Variants in ELF1 observed in about 807,000 individuals in gnomAD.
ELF1 encodes E74 like ETS transcription factor 1.
Under a neutral mutation model 59.9 loss-of-function variants are expected in ELF1, and 24 were observed. That is an observed-to-expected ratio of 0.40 (90% CI 0.29 to 0.56). The LOEUF (loss-of-function observed/expected upper bound fraction) is 0.56. ELF1 is among the 20% of genes least tolerant of loss of function. The probability of loss-of-function intolerance (pLI) is 0.44; values close to 1 mark genes in which losing one functional copy is unlikely to be tolerated. For synonymous variants in ELF1, 248 were observed against 266.2 expected (o/e 0.93, Z 0.67); for missense variants, 627 against 742.2 (o/e 0.84, Z 1.80).
chr13:40,952,842 AGTCCTTACCCTCT>A (rs748804113), intron 3 of ELF1, among the ~76,000 whole-genome samples: 30 of 145,134 alleles, frequency 2.1e-4, no homozygotes, highest in South Asian at 4.2e-4. Flanking sequence ...ACTGCCCTCA[AGTCCTTACCCTCT>A]GTACAGGATT....
intron 1 of ELF1, among the ~76,000 whole-genome samples, chr13:41,058,794 GAA>G (rs1460736195): frequency 2.6e-5 from 4 of 152,188 alleles, no homozygotes; most frequent in African/African-American, 9.7e-5. Flanking sequence ...CCAACATGGT[GAA>G]ACATTGTCTT....
intron 8 of ELF1, among the ~76,000 whole-genome samples, chr13:40,936,309 T>C (rs553427073): frequency 7.9e-5 from 12 of 152,260 alleles, no homozygotes; most frequent in African/African-American, 2.2e-4. Context: ...CCTTAAACAA[T>C]AGGCAGTTAC....
chr13:40,975,333 T>C lies in ELF1; in HGVS notation c.72+6650A>G, dbSNP rs556806341. 3.9e-5 allele frequency among the ~76,000 whole-genome samples: 6 copies of C among 152,256 alleles called. No individual in the cohort carries two copies. In the South Asian group the frequency reaches 8.3e-4, roughly 21 times the overall value. Reference sequence around the variant, plus strand: ...GACTTATCCTCTTACATACAGGAAATAGCATATAAGGAAAAAGGAAAGTTC... The same window carrying C: ...GACTTATCCTCTTACATACAGGAAACAGCATATAAGGAAAAAGGAAAGTTC... On this transcript the variant is annotated intron_variant, in intron 2 of 8. Transcript: ENST00000239882.
At chr13:40,959,248 GC>G (rs1871657743) in intron 2 of ELF1, among the ~76,000 whole-genome samples, 1 of 152,124 alleles carries the variant, frequency 6.6e-6, no homozygotes, top group Non-Finnish European at 1.5e-5. Flanking sequence ...TGTAATCCCA[GC>G]ACTCTGGGAG....
At chr13:41,027,037 TC>T (rs1428886540) in intron 1 of ELF1, among the ~76,000 whole-genome samples, 2 of 152,128 alleles carry the variant, frequency 1.3e-5, no homozygotes, top group African/African-American at 4.8e-5. Context: ...CATGAAATCT[TC>T]CCAGTCACGA....
At chr13:40,941,417 A>C (rs752294544) in intron 7 of ELF1, 47 bp from the exon 8 acceptor site, 43 of 1,478,278 alleles carry the variant, frequency 2.9e-5, no homozygotes, top group Admixed American at 4.6e-5. Context: ...ATCAATTAAA[A>C]TATTCAACAA....
At chr13:40,957,627 G>GT (rs1282143763) in intron 3 of ELF1, among the ~76,000 whole-genome samples, 2 of 151,970 alleles carry the variant, frequency 1.3e-5, no homozygotes, top group East Asian at 3.9e-4. Context: ...CACCATGATT[G>GT]TAAGTTTCCT....
At chr13:40,976,919 C>CTA (rs1247844339) in intron 2 of ELF1, among the ~76,000 whole-genome samples, 2 of 152,278 alleles carry the variant, frequency 1.3e-5, no homozygotes, top group East Asian at 3.9e-4. Flanking sequence ...AGTGCTAAGA[C>CTA]TACCTTCTTA....
At chr13:41,042,455 C>G (rs1485383721) in intron 1 of ELF1, among the ~76,000 whole-genome samples, 4 of 152,124 alleles carry the variant, frequency 2.6e-5, no homozygotes, top group African/African-American at 9.7e-5. Context: ...CTATCCCTCC[C>G]CACTCCCCCG....
intron 1 of ELF1, among the ~76,000 whole-genome samples, chr13:41,038,066 T>TAATAAAA (rs1876457408): frequency 7.9e-6 from 1 of 126,608 alleles, no homozygotes; most frequent in South Asian, 2.4e-4. Flanking sequence ...GAAGAAACCT[T>TAATAAAA]AAAAAAAAAA....
At chr13:40,946,243 T>C (rs904382963) in intron 5 of ELF1, among the ~76,000 whole-genome samples, 1 of 152,218 alleles carries the variant, frequency 6.6e-6, no homozygotes, top group Non-Finnish European at 1.5e-5. Context: ...AGCAGCTTTA[T>C]TGAGGTATAA....
At chr13:40,955,211 G>GC (rs1387421597) in intron 3 of ELF1, among the ~76,000 whole-genome samples, 1 of 149,384 alleles carries the variant, frequency 6.7e-6, no homozygotes, top group Non-Finnish European at 1.5e-5. Context: ...CCTCCGCCCG[G>GC]CAGCCACTCC....
At chr13:41,050,921 A>C (rs1593414108) in intron 1 of ELF1, among the ~76,000 whole-genome samples, 1 of 152,268 alleles carries the variant, frequency 6.6e-6, no homozygotes, top group Non-Finnish European at 1.5e-5. Flanking sequence ...CCACCAACAC[A>C]GGAATTCTTG....
intron 8 of ELF1, among the ~76,000 whole-genome samples, chr13:40,938,526 T>C (rs1869932576): frequency 6.6e-6 from 1 of 152,210 alleles, no homozygotes. Context: ...ACAGCTAGCA[T>C]TAAAATACTA....
At chr13:41,060,123 C>T (rs1032470946) in intron 1 of ELF1, among the ~76,000 whole-genome samples, 6 of 152,188 alleles carry the variant, frequency 3.9e-5, no homozygotes, top group African/African-American at 9.6e-5. Context: ...GCTCAGGCGC[C>T]GCGGGTGGAG....
At chr13:40,986,143 C>G (rs954615975) in intron 1 of ELF1, among the ~76,000 whole-genome samples, 1 of 152,170 alleles carries the variant, frequency 6.6e-6, no homozygotes, top group African/African-American at 2.4e-5. Context: ...CCAAAATAAG[C>G]TTTGGAGTTA....
intron 1 of ELF1, among the ~76,000 whole-genome samples, chr13:40,990,850 CAAA>C (rs56249931): frequency 1.5e-4 from 16 of 105,542 alleles, no homozygotes; most frequent in African/African-American, 6.1e-4. Context: ...GACTCTGTCT[CAAA>C]AAAAAAAAAA....
intron 8 of ELF1, among the ~76,000 whole-genome samples, chr13:40,934,460 T>C (rs1869632691): frequency 6.6e-6 from 1 of 150,602 alleles, no homozygotes; most frequent in South Asian, 2.1e-4. Context: ...TTCACTCTTG[T>C]TGCTCAGGCT....
chr13:40,968,704 T>C (rs1159765338), intron 2 of ELF1, among the ~76,000 whole-genome samples: 1 of 151,850 alleles, frequency 6.6e-6, no homozygotes, highest in Non-Finnish European at 1.5e-5. Context: ...AAGCTCCCTG[T>C]AAACACTTTC....
Sources: gnomAD v4.1 joint callset for allele counts (sites outside exome capture counted in the v4.1 genomes callset) on GRCh38, gnomAD v4.1.1 for gene constraint, MANE v1.5 for transcripts, NCBI Gene and HGNC (gene_info 2026-07-23, HGNC 2026-07-21) for gene names.